MYO1B: variants seen among roughly 807,000 people sequenced by gnomAD.
The protein encoded by MYO1B is myosin IB, also known as unconventional myosin-Ib.
In MYO1B, 72 loss-of-function variants were observed where a neutral mutation model predicts 159.7. The ratio of observed to expected loss-of-function variants is 0.45; its 90% CI spans 0.37 to 0.55. The LOEUF (loss-of-function observed/expected upper bound fraction) is 0.55, where lower values mean the gene tolerates loss of function less well. MYO1B is among the 20% of genes least tolerant of loss of function. The pLI is 0.00. For synonymous variants in MYO1B, 468 were observed against 473.8 expected (o/e 0.99, Z 0.16); for missense variants, 1,062 against 1,364.8 (o/e 0.78, Z 3.50).
intron 1 of MYO1B, among the ~76,000 whole-genome samples, chr2:191,259,541 A>G (rs1160877008): frequency 6.6e-6 from 1 of 152,120 alleles, no homozygotes; most frequent in African/African-American, 2.4e-5. Flanking sequence ...GAGTACCATC[A>G]TTTTCTGCAG....
intron 13 of MYO1B, among the ~76,000 whole-genome samples, chr2:191,376,345 TTGATGCTG>T (rs1694710498): frequency 1.3e-5 from 2 of 152,244 alleles, no homozygotes; most frequent in South Asian, 4.1e-4. Flanking sequence ...AGCCTGTTTC[TTGATGCTG>T]TGATATTTAA....
At chr2:191,402,997 T>G (rs1166118378) in intron 24 of MYO1B, among the ~76,000 whole-genome samples, 1 of 152,234 alleles carries the variant, frequency 6.6e-6, no homozygotes, top group African/African-American at 2.4e-5. Context: ...GTTATCTTTA[T>G]GAGTGTAAAG....
chr2:191,373,847 C>T (rs930626373), intron 13 of MYO1B, among the ~76,000 whole-genome samples: 1 of 151,848 alleles, frequency 6.6e-6, no homozygotes, highest in African/African-American at 2.4e-5. Context: ...TTCTTTTTTT[C>T]CCCCCAGTTC....
intron 2 of MYO1B, among the ~76,000 whole-genome samples, chr2:191,281,419 TG>T (rs1483271018): frequency 6.6e-6 from 1 of 152,156 alleles, no homozygotes; most frequent in African/African-American, 2.4e-5. Flanking sequence ...TGGTTCAAGC[TG>T]GGCCCAGCTG....
intron 14 of MYO1B, among the ~76,000 whole-genome samples, chr2:191,382,349 AT>A (rs1438306215): frequency 6.6e-6 from 1 of 152,038 alleles, no homozygotes; most frequent in Admixed American, 6.6e-5. Context: ...TGTGATTGTT[AT>A]CCCCAGTGGC....
At chr2:191,390,552 G>GTT in intron 18 of MYO1B, 60 bp downstream of exon 18, 1 of 1,518,454 alleles carries the variant, frequency 6.6e-7, no homozygotes, top group Non-Finnish European at 8.9e-7. Flanking sequence ...ATAATACGGT[G>GTT]TTTTTTCACA....
chr2:191,416,409 A>T, intron 30 of MYO1B, 167 bp downstream of exon 30: 1 of 689,966 alleles, frequency 1.4e-6, no homozygotes, highest in East Asian at 2.7e-5. Flanking sequence ...CAAGTCTCCA[A>T]CCTCATGTAC....
chr2:191,272,454 C>A (rs1425038462), intron 1 of MYO1B, among the ~76,000 whole-genome samples: 2 of 152,180 alleles, frequency 1.3e-5, no homozygotes, highest in Non-Finnish European at 2.9e-5. Context: ...TAGTAAGAAG[C>A]GTAAGAAGCA....
At chr2:191,257,826 C>A (rs1056117099) in intron 1 of MYO1B, among the ~76,000 whole-genome samples, 1 of 152,158 alleles carries the variant, frequency 6.6e-6, no homozygotes. Flanking sequence ...TTTAAATAAA[C>A]GGAAGTAAGG....
chr2:191,326,075 G>A lies in MYO1B; in HGVS notation c.252-3860G>A, dbSNP rs190723454. On this transcript the variant is annotated intron_variant, in intron 3 of 30. Coordinates refer to ENST00000392318, the MANE Select transcript of MYO1B (RefSeq NM_001130158.3). ...CCCTTAATGTGGTAGGACTAAAACT[G>A]TGTTTACTCCCTTACGCTATCGTCA... Among the ~76,000 whole-genome samples the A allele has an allele frequency of 1.8e-3, 281 of 152,226 alleles. 1 individual carries two copies. The highest frequency in any genetic ancestry group is 6.0e-3 in the African/African-American group (249 of 41,536).
intron 2 of MYO1B, among the ~76,000 whole-genome samples, chr2:191,289,570 C>T (rs1021925749): frequency 1.3e-5 from 2 of 152,004 alleles, no homozygotes; most frequent in African/African-American, 4.8e-5. Context: ...TGAAATTCAT[C>T]CTGAAGAAAA....
At chr2:191,348,341 C>G (rs73060733) in intron 6 of MYO1B, among the ~76,000 whole-genome samples, 1,626 of 152,256 alleles carry the variant, frequency 0.011, 25 homozygotes, top group African/African-American at 0.037. Context: ...TGAGTTAATC[C>G]TGCTTCCTGG....
At chr2:191,395,009 C>G (rs1250911535) in intron 20 of MYO1B, among the ~76,000 whole-genome samples, 3 of 152,170 alleles carry the variant, frequency 2.0e-5, no homozygotes, top group African/African-American at 7.2e-5. Flanking sequence ...TTCCCTCAAC[C>G]AGATAACTCA....
chr2:191,253,885 A>C (rs188520948), intron 1 of MYO1B, among the ~76,000 whole-genome samples: 10 of 152,328 alleles, frequency 6.6e-5, no homozygotes, highest in African/African-American at 1.7e-4. Context: ...AAACCTCATA[A>C]GCTTCTTTAA....
chr2:191,388,888 T>A (rs1695569905), intron 17 of MYO1B, among the ~76,000 whole-genome samples: 1 of 152,194 alleles, frequency 6.6e-6, no homozygotes, highest in Admixed American at 6.5e-5. Flanking sequence ...CTCCTTTTTT[T>A]ATTTTTACAG....
chr2:191,286,375 G>C (rs539011787), intron 2 of MYO1B, among the ~76,000 whole-genome samples: 3 of 151,588 alleles, frequency 2.0e-5, no homozygotes, highest in Non-Finnish European at 4.4e-5. Context: ...CCTCTGCAAG[G>C]AAATTTGGGA....
intron 3 of MYO1B, among the ~76,000 whole-genome samples, chr2:191,310,266 A>G (rs6757624): frequency 0.93 from 142,211 of 152,268 alleles, 67,169 homozygotes; most frequent in South Asian, 1. Context: ...GCAGTGGCGC[A>G]ATCTTGGCTT....
intron 3 of MYO1B, among the ~76,000 whole-genome samples, chr2:191,327,282 G>A (rs1366316954): frequency 6.6e-6 from 1 of 152,114 alleles, no homozygotes; most frequent in Admixed American, 6.5e-5. Flanking sequence ...TGTCTCTGTG[G>A]CATAAACATG....
chr2:191,297,242 T>G (rs750908398), intron 3 of MYO1B, among the ~76,000 whole-genome samples: 1 of 152,212 alleles, frequency 6.6e-6, no homozygotes, highest in Non-Finnish European at 1.5e-5. Flanking sequence ...AAACATTTCC[T>G]GCCTCCTCTC....
Sources: allele counts gnomAD v4.1 joint callset (sites outside exome capture counted in the v4.1 genomes callset), GRCh38; gene constraint gnomAD v4.1.1; transcripts MANE v1.5; gene names NCBI Gene and HGNC (gene_info 2026-07-23, HGNC 2026-07-21).